SAV1: variants seen among roughly 807,000 people sequenced by gnomAD.
SAV1 encodes protein salvador homolog 1.
In SAV1, 23 loss-of-function variants were observed where a neutral mutation model predicts 47.3. The ratio of observed to expected loss-of-function variants is 0.49; its 90% confidence interval spans 0.35 to 0.69. The LOEUF is 0.69. Ranked by LOEUF, SAV1 falls within the 30% of genes least tolerant of loss-of-function variation. The pLI, the probability that SAV1 is intolerant of heterozygous loss-of-function variation, is 0.01. For synonymous variants in SAV1, 155 were observed against 159.2 expected (o/e 0.97, Z 0.20); for missense variants, 448 against 457.4 (o/e 0.98, Z 0.19).
rs1595630528 is a variant in SAV1 at position 50,634,151 on chromosome 14, T to C, written c.*1032A>G. On this transcript the variant is annotated 3_prime_UTR_variant, in exon 5 of 5. Transcript: ENST00000324679. ...ACTCTCCACTGCCTCGTCAGAGCCA[T>C]GCTAAATGCAGTAACAGCACTGGCT... 1 of 455,412 alleles carries C rather than the reference T, an allele frequency of 2.2e-6. No individual in the cohort carries two copies. Among genetic ancestry groups the C allele is most frequent in the Non-Finnish European group, 4.4e-6 (1 of 226,410 alleles). 28.2% of individuals were successfully genotyped at this position (455,412 alleles called of 1,614,324 possible).
chr14:50,645,071 A>G (rs2039710725), intron 2 of SAV1, 57 bp from the exon 3 acceptor site: 1 of 1,493,242 alleles, frequency 6.7e-7, no homozygotes, highest in Non-Finnish European at 9.0e-7. Flanking sequence ...AATGCAAAAA[A>G]TGTGCCAGCT....
At chr14:50,660,196 C>T (rs1225384673) in intron 2 of SAV1, among the ~76,000 whole-genome samples, 1 of 152,170 alleles carries the variant, frequency 6.6e-6, no homozygotes, top group Non-Finnish European at 1.5e-5. Context: ...CCCCAATTTC[C>T]CAGCAACTGA....
intron 2 of SAV1, among the ~76,000 whole-genome samples, chr14:50,652,760 G>C (rs2039779453): frequency 6.6e-6 from 1 of 152,240 alleles, no homozygotes; most frequent in South Asian, 2.1e-4. Flanking sequence ...GCTGGGCACA[G>C]TGGCTCACGC....
At chr14:50,659,894 C>T (rs1423315815) in intron 2 of SAV1, among the ~76,000 whole-genome samples, 2 of 152,178 alleles carry the variant, frequency 1.3e-5, no homozygotes, top group African/African-American at 4.8e-5. Context: ...CTAGATCACA[C>T]AGACCCCCTT....
In SAV1 at chr14:50,665,561, A is replaced by C; in HGVS notation, c.153T>G (p.Cys51Trp). 6.2e-7 allele frequency: 1 copy of C among 1,613,904 alleles called. No homozygotes were observed. The highest frequency in any genetic ancestry group is 8.5e-7 in the Non-Finnish European group (1 of 1,179,894). Reference protein sequence around the residue: ...GPTIPRRTDICLPDSSPNAFS... With the variant: ...GPTIPRRTDIWLPDSSPNAFS... ...AGGCATTAGGGCTTGAATCTGGAAG[A>C]CAGATATCAGTTCGTCTTGGAATTG... Residue 51 changes from cysteine to tryptophan, a missense_variant, in exon 2 of 5, where the codon TGT becomes TGG. Coordinates refer to ENST00000324679, the MANE Select transcript of SAV1 (RefSeq NM_021818.4).
chr14:50,635,964 C>A (rs545352482), intron 4 of SAV1, among the ~76,000 whole-genome samples: 1 of 152,280 alleles, frequency 6.6e-6, no homozygotes, highest in East Asian at 1.9e-4. Flanking sequence ...ACCTCAGCCT[C>A]CCAAAGTGCT....
At chr14:50,637,663 A>ATTTTTTTTT (rs771403561) in intron 4 of SAV1, 1 of 128,768 alleles carries the variant, frequency 7.8e-6, no homozygotes. Context: ...CAATTTTGTC[A>ATTTTTTTTT]GTTTTTTTTT....
intron 4 of SAV1, 102 bp downstream of exon 4, chr14:50,640,648 T>G: frequency 1.0e-6 from 1 of 989,968 alleles, no homozygotes; most frequent in Non-Finnish European, 1.4e-6. Context: ...CCGAATATTA[T>G]TAAGAGTAAA....
chr14:50,652,158 A>T (rs555925620), intron 2 of SAV1, among the ~76,000 whole-genome samples: 5 of 152,228 alleles, frequency 3.3e-5, no homozygotes, highest in Admixed American at 1.3e-4. Context: ...AGGTAGTTCA[A>T]TGTGAATGTA....
intron 2 of SAV1, among the ~76,000 whole-genome samples, chr14:50,663,712 ACTGGTACCTG>A (rs1383113738): frequency 6.6e-6 from 1 of 152,092 alleles, no homozygotes; most frequent in Non-Finnish European, 1.5e-5. Context: ...ACTGGTACCC[ACTGGTACCTG>A]CAATCCTCTT....
chr14:50,657,357 TC>T (rs1221960732), intron 2 of SAV1, among the ~76,000 whole-genome samples: 1 of 152,174 alleles, frequency 6.6e-6, no homozygotes, highest in Non-Finnish European at 1.5e-5. Context: ...GTGTATTCTA[TC>T]CCCAGCTCTT....
At chr14:50,648,854 A>G (rs2039744411) in intron 2 of SAV1, among the ~76,000 whole-genome samples, 1 of 152,096 alleles carries the variant, frequency 6.6e-6, no homozygotes, top group Admixed American at 6.5e-5. Flanking sequence ...AGAAGTATTT[A>G]TTTGGTTCAC....
At chr14:50,666,569 A>T (rs2934701) in intron 1 of SAV1, among the ~76,000 whole-genome samples, 57,434 of 152,036 alleles carry the variant, frequency 0.38, 11,175 homozygotes, top group South Asian at 0.44. Flanking sequence ...AAAACAAAGT[A>T]GATCAAAAGT....
intron 2 of SAV1, among the ~76,000 whole-genome samples, chr14:50,653,809 C>T (rs1424323718): frequency 6.6e-6 from 1 of 150,380 alleles, no homozygotes. Context: ...GTGGGGGTGG[C>T]AGTGAGCCGA....
intron 4 of SAV1, among the ~76,000 whole-genome samples, chr14:50,640,498 C>A (rs1157346181): frequency 1.3e-5 from 2 of 152,166 alleles, no homozygotes. Context: ...AAGTTTCTTA[C>A]TTGTATCCCT....
At chr14:50,659,955 C>A (rs183798250) in intron 2 of SAV1, among the ~76,000 whole-genome samples, 1 of 152,366 alleles carries the variant, frequency 6.6e-6, no homozygotes, top group Non-Finnish European at 1.5e-5. Flanking sequence ...ACTTTGATCA[C>A]TGGTGATCTC....
intron 2 of SAV1, among the ~76,000 whole-genome samples, chr14:50,650,079 A>G (rs1418750153): frequency 6.6e-6 from 1 of 152,256 alleles, no homozygotes; most frequent in Non-Finnish European, 1.5e-5. Flanking sequence ...AAACTTTAAA[A>G]TTAAGGTAAA....
At position 50,634,278 on chromosome 14, in the gene SAV1, C is replaced by T. The variant is rs748364060; in HGVS notation, c.*905G>A. The T allele has an allele frequency of 1.9e-5, 7 of 370,198 alleles. No homozygotes were observed. The highest frequency in any genetic ancestry group is 3.4e-5 in the Non-Finnish European group (6 of 177,234). 22.9% of individuals were successfully genotyped at this position (370,198 alleles called of 1,614,324 possible). On this transcript the variant is annotated 3_prime_UTR_variant, in exon 5 of 5. Transcript: ENST00000324679. ...TGTATTCCTGAAAGATTAAAAGGCC[C>T]GTCACCCATTCATACCAAAAAATAC... is the stretch of plus-strand genomic sequence containing the variant.
chr14:50,666,606 A>G (rs910437899), intron 1 of SAV1, among the ~76,000 whole-genome samples: 1 of 152,140 alleles, frequency 6.6e-6, no homozygotes, highest in Non-Finnish European at 1.5e-5. Context: ...ACAAACATTA[A>G]CAAAACTGCA....
Sources: allele counts gnomAD v4.1 joint callset (sites outside exome capture counted in the v4.1 genomes callset), GRCh38; gene constraint gnomAD v4.1.1; transcripts MANE v1.5; gene names NCBI Gene and HGNC (gene_info 2026-07-23, HGNC 2026-07-21).